KTN1: variants seen among roughly 807,000 people sequenced by gnomAD.
KTN1 encodes the protein kinectin.
Under a neutral mutation model 222.5 loss-of-function variants are expected in KTN1, and 130 were observed. That is an observed-to-expected ratio of 0.58 (90% confidence interval 0.51 to 0.68). KTN1 has a LOEUF of 0.68. Ranked by LOEUF, KTN1 falls within the 30% of genes least tolerant of loss-of-function variation. The pLI, the probability that KTN1 is intolerant of heterozygous loss-of-function variation, is 0.00. For missense variants in KTN1, 1,508 were observed against 1,500.4 expected (o/e 1.01, Z -0.08); for synonymous variants, 512 against 496.3 (o/e 1.03, Z -0.42).
intron 1 of KTN1, among the ~76,000 whole-genome samples, chr14:55,588,387 A>G (rs1333032468): frequency 1.5e-4 from 23 of 152,162 alleles, no homozygotes; most frequent in Admixed American, 1.3e-3. Context: ...TTTCCTTGTC[A>G]TGACTTTTCT....
intron 6 of KTN1, among the ~76,000 whole-genome samples, chr14:55,629,189 G>A (rs1387336535): frequency 1.3e-5 from 2 of 152,120 alleles, no homozygotes; most frequent in South Asian, 4.1e-4. Flanking sequence ...GGCTGAGGCG[G>A]GTGAATCATG....
chr14:55,593,411 A>T (rs1291864007), intron 1 of KTN1, among the ~76,000 whole-genome samples: 1 of 147,374 alleles, frequency 6.8e-6, no homozygotes, highest in Admixed American at 6.9e-5. Context: ...TTATTTTTGA[A>T]TTTACTAATT....
chr14:55,650,282 G>T (rs1436003867), intron 22 of KTN1, 46 bp from the exon 23 acceptor site: 4 of 1,250,192 alleles, frequency 3.2e-6, no homozygotes, highest in South Asian at 2.7e-5. Flanking sequence ...ATCTTGGTGG[G>T]TCTTGGTGAT....
chr14:55,644,684 A>T (rs148358022), intron 18 of KTN1, among the ~76,000 whole-genome samples: 148 of 152,022 alleles, frequency 9.7e-4, no homozygotes, highest in Non-Finnish European at 1.5e-3. Flanking sequence ...TGAAAACTAT[A>T]AGAAGTTTCT....
chr14:55,604,398 G>C (rs1287047401), intron 1 of KTN1, among the ~76,000 whole-genome samples: 1 of 151,960 alleles, frequency 6.6e-6, no homozygotes, highest in Non-Finnish European at 1.5e-5. Flanking sequence ...GATAATCTCT[G>C]ATCATTCTAC....
chr14:55,650,753 A>G, intron 24 of KTN1, 116 bp downstream of exon 24: 1 of 630,930 alleles, frequency 1.6e-6, no homozygotes, highest in Non-Finnish European at 2.7e-6. Flanking sequence ...ATATTGGGTT[A>G]TGTGCTTTTA....
chr14:55,634,495 G>A (rs750552237), intron 8 of KTN1, 31 bp from the exon 9 acceptor site: 20 of 1,562,766 alleles, frequency 1.3e-5, no homozygotes, highest in East Asian at 4.5e-5. Flanking sequence ...TTGTAATAAC[G>A]GAAGGCTCCT....
chr14:55,583,122 G>T (rs1462028411), intron 1 of KTN1, among the ~76,000 whole-genome samples: 1 of 152,140 alleles, frequency 6.6e-6, no homozygotes, highest in Non-Finnish European at 1.5e-5. Context: ...ACATTAAGGG[G>T]AAGAACCTTA....
At chr14:55,637,473 G>T in intron 11 of KTN1, 109 bp downstream of exon 11, 1 of 811,096 alleles carries the variant, frequency 1.2e-6, no homozygotes, top group East Asian at 2.7e-5. Flanking sequence ...CTGAAATGAT[G>T]ATGAATAATT....
intron 6 of KTN1, 63 bp downstream of exon 6, chr14:55,628,091 A>T: frequency 9.8e-7 from 1 of 1,015,720 alleles, no homozygotes; most frequent in South Asian, 1.4e-5. Context: ...AAGATTTTAG[A>T]AATTGTCCAT....
intron 14 of KTN1, 146 bp downstream of exon 14, chr14:55,640,149 C>A (rs141107747): frequency 0.013 from 8,578 of 660,340 alleles, 73 homozygotes; most frequent in Middle Eastern, 0.028. Context: ...CTACAAAATT[C>A]TCTAGCTCTC....
At chr14:55,624,354 C>T (rs1262594590) in intron 5 of KTN1, among the ~76,000 whole-genome samples, 1 of 152,102 alleles carries the variant, frequency 6.6e-6, no homozygotes, top group Non-Finnish European at 1.5e-5. Context: ...ATTTTTTGAG[C>T]AGTTGTATGT....
At chr14:55,659,910 G>A (rs895135315) in intron 31 of KTN1, among the ~76,000 whole-genome samples, 1 of 152,074 alleles carries the variant, frequency 6.6e-6, no homozygotes, top group Non-Finnish European at 1.5e-5. Flanking sequence ...ATTTTGTTGA[G>A]GGAGATGTTT....
chr14:55,610,825 A>G (rs2037438727), intron 1 of KTN1, among the ~76,000 whole-genome samples: 1 of 152,224 alleles, frequency 6.6e-6, no homozygotes, highest in Non-Finnish European at 1.5e-5. Context: ...TTTAGCAGAA[A>G]CTACCCTTCA....
chr14:55,653,951 A>G (rs926973102), intron 28 of KTN1, among the ~76,000 whole-genome samples: 1 of 152,210 alleles, frequency 6.6e-6, no homozygotes, highest in Non-Finnish European at 1.5e-5. Flanking sequence ...TGTTAGTAAC[A>G]TCTCTGAATT....
At chr14:55,658,479 T>G in intron 29 of KTN1, 67 bp from the exon 30 acceptor site, 1 of 914,634 alleles carries the variant, frequency 1.1e-6, no homozygotes, top group Non-Finnish European at 1.8e-6. Flanking sequence ...TGTTTCTAGC[T>G]TGTATGATCT....
At chr14:55,643,547 T>C (rs28456234) in intron 18 of KTN1, among the ~76,000 whole-genome samples, 15,156 of 152,188 alleles carry the variant, frequency 0.1, 1,816 homozygotes, top group African/African-American at 0.29. Flanking sequence ...TTTTAAACTT[T>C]AAAATTAACT....
chr14:55,681,009 A>G lies in KTN1; in HGVS notation c.4069+1324A>G, dbSNP rs528978586. ...TCTGTTCAGTCTTGAAAACATGCTC[A>G]GATGGCTTATTTTAACCTTGTACTT... is the stretch of plus-strand genomic sequence containing the variant. On this transcript the variant is annotated intron_variant, in intron 43 of 43. Coordinates refer to ENST00000395314, the MANE Select transcript of KTN1 (RefSeq NM_001079521.2). The G allele has an allele frequency of 3.6e-4, 94 of 264,642 alleles. 1 individual carries two copies. The South Asian group carries it at 4.2e-3, about 12-fold the overall frequency. 16.4% of individuals were successfully genotyped at this position (264,642 alleles called of 1,614,324 possible).
chr14:55,646,463 T>TCCTTTTC (rs2042318450), intron 18 of KTN1, among the ~76,000 whole-genome samples: 1 of 22,152 alleles, frequency 4.5e-5, no homozygotes, highest in African/African-American at 1.8e-4. Flanking sequence ...CTTTTCCTTT[T>TCCTTTTC]CCTTTCCTTT....
Sources: allele counts gnomAD v4.1 joint callset (sites outside exome capture counted in the v4.1 genomes callset), GRCh38; gene constraint gnomAD v4.1.1; transcripts MANE v1.5; gene names NCBI Gene and HGNC (gene_info 2026-07-23, HGNC 2026-07-21).